Variants in ACACB observed in about 807,000 individuals in gnomAD.
ACACB encodes the protein acetyl-CoA carboxylase beta.
ACACB carries 209 observed loss-of-function variants against 278.8 expected under a neutral mutation model. That is an observed-to-expected ratio of 0.75 (90% CI 0.67 to 0.84). The LOEUF is 0.84. ACACB is among the 40% of genes least tolerant of loss of function. The pLI is 0.00. For synonymous variants in ACACB, 1,174 were observed against 1,285.6 expected (o/e 0.91, Z 1.86); for missense variants, 2,850 against 3,269.0 (o/e 0.87, Z 3.13).
intron 21 of ACACB, among the ~76,000 whole-genome samples, chr12:109,210,188 C>CAG (rs146208327): frequency 7.3e-5 from 1 of 13,752 alleles, no homozygotes. Flanking sequence ...TATATACACA[C>CAG]GTGTGTATAT....
At chr12:109,233,654 G>A in intron 29 of ACACB, 94 bp from the exon 30 acceptor site, 1 of 1,007,908 alleles carries the variant, frequency 9.9e-7, no homozygotes, top group Non-Finnish European at 1.5e-6. Flanking sequence ...GAAATTGGGA[G>A]GGTCTGGCGT....
At position 109,155,824 on chromosome 12, in the gene ACACB, C is replaced by A. The variant is rs536985024; in HGVS notation, c.654-11037C>A. ...TGACACGTGAAAATTACATGAAATT[C>A]AAATTTCAGTGTCTACGAAAAAAGT... is the stretch of plus-strand genomic sequence containing the variant. On this transcript the variant is annotated intron_variant, in intron 2 of 52. Coordinates refer to ENST00000338432, the MANE Select transcript of ACACB (RefSeq NM_001093.4). Among the ~76,000 whole-genome samples the A allele has an allele frequency of 2.0e-5, 3 of 152,104 alleles. No homozygotes were observed. In the East Asian group the frequency reaches 5.8e-4, roughly 29 times the overall value.
At position 109,233,986 on chromosome 12, in the gene ACACB, G is replaced by A. The variant is rs867354965; in HGVS notation, c.4288G>A (p.Ala1430Thr). The A allele has an allele frequency of 4.3e-6, 7 of 1,614,018 alleles. No homozygotes were observed. The African/African-American group carries it at 9.3e-5, about 22-fold the overall frequency. The change falls in exon 31 of 53, where the codon GCA becomes ACA. Residue 1430 changes from alanine (A) to threonine (T), a missense_variant. By Grantham distance (58) the Ala-to-Thr change is moderately conservative. This residue lies in a region of ACACB where 2,265 missense variants were observed against 2,561.3 expected (regional missense o/e 0.88). Coordinates refer to ENST00000338432, the MANE Select transcript of ACACB (RefSeq NM_001093.4). ...CATTCTGAATGTGTCCATCCAGTGT[G>A]CAGACCACCTGGAGGATGAGGCACT... is the stretch of plus-strand genomic sequence containing the variant. ...IHILNVSIQC[A>T]DHLEDEALVP... is the part of the protein sequence containing the mutation.
intron 9 of ACACB, 137 bp from the exon 10 acceptor site, chr12:109,178,951 G>C (rs1207621328): frequency 4.9e-6 from 4 of 809,436 alleles, no homozygotes; most frequent in Non-Finnish European, 7.8e-6. Flanking sequence ...GACAACAAAA[G>C]TAAAAGATCA....
chr12:109,242,525 C>T lies in ACACB; in HGVS notation c.5111C>T (p.Ala1704Val). 1 of 1,614,142 alleles carries T rather than the reference C, an allele frequency of 6.2e-7. No individual in the cohort carries two copies. Among genetic ancestry groups the T allele is most frequent in the Non-Finnish European group, 8.5e-7 (1 of 1,180,018 alleles). ...TACGTCACCAAGGATCTGCTCCAGG[C>T]CAAGCGATTCCAGGCCCAGACCCTG... ...TPYVTKDLLQ[A>V]KRFQAQTLGT... The change falls in exon 37 of 53, where the codon GCC (alanine) becomes GTC (valine). Residue 1704 changes from alanine to valine, a missense_variant. Ala to Val is a moderately conservative substitution (Grantham distance 64). This residue lies in a region of ACACB where 2,265 missense variants were observed against 2,561.3 expected (regional missense o/e 0.88). Coordinates refer to ENST00000338432, the MANE Select transcript of ACACB (RefSeq NM_001093.4).
At chr12:109,261,447 C>A (rs1030504987) in intron 48 of ACACB, among the ~76,000 whole-genome samples, 12 of 152,182 alleles carry the variant, frequency 7.9e-5, no homozygotes, top group Non-Finnish European at 1.8e-4. Flanking sequence ...CTGAGCAGCA[C>A]TTGAATGGAG....
chr12:109,176,321 C>A (rs2044282367), intron 9 of ACACB, 58 bp downstream of exon 9: 1 of 1,420,038 alleles, frequency 7.0e-7, no homozygotes, highest in Non-Finnish European at 1.0e-6. Flanking sequence ...TTGTGGGCTG[C>A]CAGATTATTT....
chr12:109,164,056 C>T (rs1222773126), intron 2 of ACACB, among the ~76,000 whole-genome samples: 1 of 152,160 alleles, frequency 6.6e-6, no homozygotes, highest in African/African-American at 2.4e-5. Context: ...TACTTGAGCT[C>T]ATCACTGTGA....
At chr12:109,235,529 A>G in intron 32 of ACACB, 77 bp from the exon 33 acceptor site, 2 of 1,443,840 alleles carry the variant, frequency 1.4e-6, no homozygotes, top group Non-Finnish European at 1.9e-6. Context: ...ATCGTTTACA[A>G]TCACTAAATA....
intron 41 of ACACB, among the ~76,000 whole-genome samples, 200 bp downstream of exon 41, chr12:109,250,304 C>G (rs1447768672): frequency 2.6e-5 from 4 of 152,090 alleles, no homozygotes; most frequent in African/African-American, 9.7e-5. Flanking sequence ...TAAAGCCAGC[C>G]CCCATCATGT....
chr12:109,169,163 A>C (rs2044022825), intron 4 of ACACB, among the ~76,000 whole-genome samples: 1 of 148,058 alleles, frequency 6.8e-6, no homozygotes, highest in Non-Finnish European at 1.5e-5. Flanking sequence ...AAAAAAAAGC[A>C]AAACAAAAAC....
chr12:109,257,412 C>T (rs1323098703), intron 45 of ACACB, among the ~76,000 whole-genome samples: 8 of 151,934 alleles, frequency 5.3e-5, no homozygotes, highest in Admixed American at 4.6e-4. Context: ...TAAACGAGAA[C>T]CATGTAGTGA....
At chr12:109,227,261 A>C in intron 27 of ACACB, 110 bp from the exon 28 acceptor site, 2 of 950,624 alleles carry the variant, frequency 2.1e-6, no homozygotes, top group Non-Finnish European at 3.2e-6. Context: ...GCTTACAGAT[A>C]GATATTTTAG....
chr12:109,237,156 C>T lies in ACACB; in HGVS notation c.4447-9C>T, dbSNP rs200463242. 1,438 of 1,613,984 alleles carry T rather than the reference C, an allele frequency of 8.9e-4. 2 individuals carry two copies. The highest frequency in any genetic ancestry group is 1.5e-3 in the Admixed American group (92 of 60,008). On this transcript the variant is annotated splice_polypyrimidine_tract_variant and intron_variant, in intron 33 of 52. Transcript: ENST00000338432. Reference sequence around the variant, plus strand: ...ATGTGTCTGTCTTCTCTCTCTGGTCCGCCTACAGTTTGCAGAAGATCGCAT... The same window carrying T: ...ATGTGTCTGTCTTCTCTCTCTGGTCTGCCTACAGTTTGCAGAAGATCGCAT...
chr12:109,207,012 A>G (rs2045540109), intron 20 of ACACB, among the ~76,000 whole-genome samples, 156 bp downstream of exon 20: 1 of 151,954 alleles, frequency 6.6e-6, no homozygotes, highest in South Asian at 2.1e-4. Flanking sequence ...ACAAGGTCTC[A>G]CTCTGTCACC....
chr12:109,208,345 A>G (rs867727926), intron 20 of ACACB, among the ~76,000 whole-genome samples: 1 of 151,570 alleles, frequency 6.6e-6, no homozygotes, highest in Non-Finnish European at 1.5e-5. Flanking sequence ...CCTTCCAAGT[A>G]GCTGGGGTTA....
intron 37 of ACACB, among the ~76,000 whole-genome samples, chr12:109,244,186 C>G (rs1471359873): frequency 6.6e-6 from 1 of 152,066 alleles, no homozygotes; most frequent in Non-Finnish European, 1.5e-5. Flanking sequence ...TTCATGAAAC[C>G]AAGGTCAAGG....
chr12:109,256,684 C>A (rs1336791700), intron 45 of ACACB, among the ~76,000 whole-genome samples: 2 of 152,180 alleles, frequency 1.3e-5, no homozygotes, highest in Admixed American at 1.3e-4. Context: ...GACAGCTCCA[C>A]CTGCCTGAAA....
intron 36 of ACACB, chr12:109,241,567 C>T (rs774437194): frequency 2.6e-6 from 1 of 382,818 alleles, no homozygotes; most frequent in Non-Finnish European, 4.9e-6. Context: ...AGGCTGGTCT[C>T]GAATTCCTGA....
Sources: allele counts gnomAD v4.1 joint callset (sites outside exome capture counted in the v4.1 genomes callset), GRCh38; gene constraint gnomAD v4.1.1; regional missense constraint gnomAD v4.1.1; transcripts MANE v1.5; gene names NCBI Gene and HGNC (gene_info 2026-07-23, HGNC 2026-07-21).